C6orf163: variants seen among roughly 807,000 people sequenced by gnomAD.
C6orf163 encodes the protein chromosome 6 open reading frame 163.
C6orf163 carries 22 observed loss-of-function variants against 28.4 expected under a neutral mutation model. The observed-to-expected ratio is 0.78, with a 90% CI of 0.55 to 1.11. The LOEUF (loss-of-function observed/expected upper bound fraction) is 1.11, where lower values mean the gene tolerates loss of function less well. Ranked by LOEUF, C6orf163 falls within the 50% of genes least tolerant of loss-of-function variation. The pLI, the probability that C6orf163 is intolerant of heterozygous loss-of-function variation, is 0.00. For synonymous variants in C6orf163, 110 were observed against 123.6 expected (o/e 0.89, Z 0.73); for missense variants, 342 against 389.1 (o/e 0.88, Z 1.02).
intron 3 of C6orf163, among the ~76,000 whole-genome samples, chr6:87,351,595 T>C (rs1777413842): frequency 6.6e-6 from 1 of 152,222 alleles, no homozygotes; most frequent in Admixed American, 6.5e-5. Flanking sequence ...CCATTCCCCA[T>C]TTCAGTTCAA....
chr6:87,352,956 C>T (rs1460352371), intron 3 of C6orf163, among the ~76,000 whole-genome samples: 2 of 152,078 alleles, frequency 1.3e-5, no homozygotes, highest in Non-Finnish European at 2.9e-5. Flanking sequence ...TATCTCAAAA[C>T]GTGGGGTGAC....
At chr6:87,354,194 A>C (rs1225006100) in intron 3 of C6orf163, among the ~76,000 whole-genome samples, 1 of 152,214 alleles carries the variant, frequency 6.6e-6, no homozygotes, top group Non-Finnish European at 1.5e-5. Context: ...AATAGATTAA[A>C]TATTGGAAAG....
chr6:87,354,463 G>C (rs1381972051), intron 3 of C6orf163, among the ~76,000 whole-genome samples: 1 of 152,134 alleles, frequency 6.6e-6, no homozygotes, highest in Non-Finnish European at 1.5e-5. Context: ...ACCAAGCCTG[G>C]ATCATTAAGA....
At chr6:87,353,453 A>G (rs1777450405) in intron 3 of C6orf163, among the ~76,000 whole-genome samples, 1 of 150,840 alleles carries the variant, frequency 6.6e-6, no homozygotes, top group Non-Finnish European at 1.5e-5. Flanking sequence ...TAAAAAAAAA[A>G]AACAAACACA....
intron 4 of C6orf163, among the ~76,000 whole-genome samples, chr6:87,364,158 A>G (rs1218338873): frequency 6.6e-6 from 1 of 151,988 alleles, no homozygotes; most frequent in Non-Finnish European, 1.5e-5. Flanking sequence ...AGTCGTGCAC[A>G]CCTGTAATCC....
At chr6:87,359,383 A>G (rs910119797) in intron 4 of C6orf163, among the ~76,000 whole-genome samples, 5 of 152,198 alleles carry the variant, frequency 3.3e-5, no homozygotes, top group African/African-American at 1.2e-4. Flanking sequence ...GGGGATAGAA[A>G]TGCACTGCTG....
At chr6:87,356,196 A>G in intron 3 of C6orf163, 105 bp from the exon 4 acceptor site, 5 of 908,012 alleles carry the variant, frequency 5.5e-6, no homozygotes, top group Middle Eastern at 3.2e-4. Context: ...GTTAACAGGT[A>G]CACTTGCTAG....
At position 87,345,179 on chromosome 6, in the gene C6orf163, A is replaced by G; in HGVS notation, c.80A>G (p.Lys27Arg). 5 of 1,536,944 alleles carry G rather than the reference A, an allele frequency of 3.3e-6. No individual in the cohort carries two copies. Among genetic ancestry groups the G allele is most frequent in the Non-Finnish European group, 4.4e-6 (5 of 1,146,798 alleles). The change falls in exon 1 of 5, where the codon AAA (lysine) becomes AGA (arginine). Residue 27 changes from lysine (K) to arginine (R), a missense_variant. By Grantham distance (26) the Lys-to-Arg change is conservative. Coordinates refer to ENST00000388923, the MANE Select transcript of C6orf163 (RefSeq NM_001010868.3). The part of the protein sequence containing the change: ...NKIIPPAPFG[K>R]TFKRIHEYKP... Reference sequence around the variant, plus strand: ...ATAATTCCACCAGCCCCTTTTGGAAAAACCTTCAAACGGATCCATGAATAC... The same window carrying G: ...ATAATTCCACCAGCCCCTTTTGGAAGAACCTTCAAACGGATCCATGAATAC...
chr6:87,344,848 C>T lies in C6orf163; in HGVS notation c.-252C>T. 3.3e-6 allele frequency: 1 copy of T among 301,002 alleles called. No individual in the cohort carries two copies. Among genetic ancestry groups the T allele is most frequent in the Non-Finnish European group, 6.1e-6 (1 of 164,702 alleles). The allele number at this position is 301,002 out of a possible 1,614,324, so 18.6% of individuals were successfully genotyped here. A position where few individuals can be genotyped will look rare whatever the true frequency, so the allele number is the denominator to read the frequency against. On this transcript the variant is annotated 5_prime_UTR_variant, in exon 1 of 5. The change creates a premature stop within an existing upstream ORF in the 5' untranslated region. Coordinates refer to ENST00000388923, the MANE Select transcript of C6orf163 (RefSeq NM_001010868.3). ...CTTAATGCTAGAGTCTGGGAAGGAGCAACTACTTAAATCTTCCCAAATCTG... is the reference window on the plus strand; with the variant it reads ...CTTAATGCTAGAGTCTGGGAAGGAGTAACTACTTAAATCTTCCCAAATCTG...
At chr6:87,355,395 G>A (rs944457594) in intron 3 of C6orf163, among the ~76,000 whole-genome samples, 3 of 151,720 alleles carry the variant, frequency 2.0e-5, no homozygotes, top group East Asian at 1.9e-4. Flanking sequence ...ACCCTATTTT[G>A]ACAAAAAATA....
In C6orf163 at chr6:87,356,323, CAG is replaced by C; in HGVS notation, c.378_379del (p.Glu126AspfsTer7). 1.3e-6 allele frequency: 2 copies of C among 1,551,666 alleles called. No homozygotes were observed. The highest frequency in any genetic ancestry group is 1.7e-6 in the Non-Finnish European group (2 of 1,146,990). On this transcript the variant is annotated frameshift_variant, in exon 4 of 5. Coordinates refer to ENST00000388923, the MANE Select transcript of C6orf163 (RefSeq NM_001010868.3). LOFTEE classifies it high-confidence loss of function. ...CAGGAAGTGACAGCTAAAACTAAGA[CAG>C]AGATGTATCAAAACATGGATGACGA...
chr6:87,348,149 C>T, intron 1 of C6orf163: 2 of 963,632 alleles, frequency 2.1e-6, no homozygotes, highest in Non-Finnish European at 2.5e-6. Context: ...AGCAAGACTC[C>T]CTCTCAAAAA....
chr6:87,353,956 A>T (rs973328977), intron 3 of C6orf163, among the ~76,000 whole-genome samples: 1 of 152,164 alleles, frequency 6.6e-6, no homozygotes. Context: ...AGTTCAAGTG[A>T]TTCTCCTGCC....
At chr6:87,348,103 C>T (rs1448408417) in intron 1 of C6orf163, 9 of 752,432 alleles carry the variant, frequency 1.2e-5, no homozygotes, top group East Asian at 2.6e-4. Context: ...TGCAGTGAGC[C>T]GAAATGGCGA....
intron 4 of C6orf163, among the ~76,000 whole-genome samples, chr6:87,360,963 C>T (rs1777571866): frequency 6.6e-6 from 1 of 152,066 alleles, no homozygotes; most frequent in Non-Finnish European, 1.5e-5. Context: ...TCAGGGAACT[C>T]ATCAGAATGA....
intron 4 of C6orf163, among the ~76,000 whole-genome samples, chr6:87,363,306 A>G (rs943830941): frequency 1.4e-5 from 2 of 147,768 alleles, no homozygotes; most frequent in African/African-American, 5.0e-5. Flanking sequence ...GAGGCAGTCC[A>G]TGACATTAAA....
Position 87,345,084 on chromosome 6 carries a change from C to A in C6orf163, c.-16C>A. Reference sequence around the variant, plus strand: ...TATTTTAACTGTAAGTAGGAGAAGACATCTGAAATTTAACTATGATCAGAA... The same window carrying A: ...TATTTTAACTGTAAGTAGGAGAAGAAATCTGAAATTTAACTATGATCAGAA... On this transcript the variant is annotated 5_prime_UTR_variant, in exon 1 of 5. Coordinates refer to ENST00000388923, the MANE Select transcript of C6orf163 (RefSeq NM_001010868.3). 2 of 1,511,142 alleles carry A rather than the reference C, an allele frequency of 1.3e-6. No individual in the cohort carries two copies. The highest frequency in any genetic ancestry group is 2.5e-5 in the South Asian group (2 of 79,642). The allele number at this position is 1,511,142 out of a possible 1,614,324, so 93.6% of individuals were successfully genotyped here.
At chr6:87,345,589 C>T (rs536157152) in intron 1 of C6orf163, among the ~76,000 whole-genome samples, 1 of 152,144 alleles carries the variant, frequency 6.6e-6, no homozygotes. Flanking sequence ...ACTTGAGCAC[C>T]TTTCAGTATG....
intron 3 of C6orf163, among the ~76,000 whole-genome samples, chr6:87,353,572 A>G (rs1040191531): frequency 6.6e-6 from 1 of 152,074 alleles, no homozygotes; most frequent in African/African-American, 2.4e-5. Context: ...CATTAAATAC[A>G]TTTCATTCTG....
Sources: gnomAD v4.1 joint callset for allele counts (sites outside exome capture counted in the v4.1 genomes callset) on GRCh38, gnomAD v4.1.1 for gene constraint, MANE v1.5 for transcripts, NCBI Gene and HGNC (gene_info 2026-07-23, HGNC 2026-07-21) for gene names.